Variants in TBC1D19 observed in about 807,000 individuals in gnomAD.
TBC1D19 encodes the protein TBC1 domain family member 19.
In TBC1D19, 60 loss-of-function variants were observed where a neutral mutation model predicts 89.0. The ratio of observed to expected loss-of-function variants is 0.67; its 90% CI spans 0.55 to 0.84. The LOEUF is 0.84. Ranked by LOEUF, TBC1D19 falls within the 40% of genes least tolerant of loss-of-function variation. The pLI is 0.00. For synonymous variants in TBC1D19, 189 were observed against 199.7 expected (o/e 0.95, Z 0.45); for missense variants, 500 against 610.8 (o/e 0.82, Z 1.91).
intron 4 of TBC1D19, among the ~76,000 whole-genome samples, chr4:26,627,038 C>G (rs10000211): frequency 2.4e-4 from 37 of 151,566 alleles, no homozygotes; most frequent in Middle Eastern, 6.8e-3. Flanking sequence ...ATCCCTCCCC[C>G]CTCCGCCCAC....
chr4:26,776,747 A>T, the TBC1D19 span, among the ~76,000 whole-genome samples: 1 of 151,894 alleles, frequency 6.6e-6, no homozygotes, highest in Non-Finnish European at 1.5e-5. Flanking sequence ...CTTGGCTCAC[A>T]TTTTCTTTCC....
At chr4:26,623,732 CCT>C (rs1742218734) in intron 4 of TBC1D19, among the ~76,000 whole-genome samples, 1 of 152,176 alleles carries the variant, frequency 6.6e-6, no homozygotes, top group Non-Finnish European at 1.5e-5. Flanking sequence ...CTTATAATTT[CCT>C]CTTTCTTTTC....
At chr4:26,684,954 T>C (rs1040359446) in intron 12 of TBC1D19, among the ~76,000 whole-genome samples, 5 of 152,180 alleles carry the variant, frequency 3.3e-5, no homozygotes, top group Non-Finnish European at 7.4e-5. Context: ...GCGGAAAAAC[T>C]TGCATTCTGT....
intron 15 of TBC1D19, among the ~76,000 whole-genome samples, chr4:26,731,619 G>A (rs1192344931): frequency 6.6e-6 from 1 of 152,146 alleles, no homozygotes; most frequent in Non-Finnish European, 1.5e-5. Context: ...TAGAGCGAAA[G>A]AGAAAACAAG....
intron 1 of TBC1D19, among the ~76,000 whole-genome samples, chr4:26,585,770 A>G (rs985167982): frequency 1.3e-5 from 2 of 151,972 alleles, no homozygotes; most frequent in Non-Finnish European, 2.9e-5. Flanking sequence ...TTTCCAGTAG[A>G]GATGGGGTTT....
chr4:26,721,597 T>A (rs1270265803), intron 15 of TBC1D19, among the ~76,000 whole-genome samples: 1 of 152,114 alleles, frequency 6.6e-6, no homozygotes, highest in Non-Finnish European at 1.5e-5. Flanking sequence ...GAGTTATACA[T>A]CTAAAGTGAA....
the TBC1D19 span, among the ~76,000 whole-genome samples, chr4:26,853,466 T>C: frequency 6.6e-6 from 1 of 152,262 alleles, no homozygotes; most frequent in African/African-American, 2.4e-5. Flanking sequence ...TCTTTTCTTA[T>C]TGTCACATAG....
chr4:26,678,238 G>C (rs1713009713), intron 11 of TBC1D19, among the ~76,000 whole-genome samples: 1 of 152,186 alleles, frequency 6.6e-6, no homozygotes, highest in Non-Finnish European at 1.5e-5. Flanking sequence ...GGGGATTCTT[G>C]TTATGCTTTA....
chr4:26,638,859 G>A, intron 6 of TBC1D19, 25 bp downstream of exon 6: 15 of 1,553,578 alleles, frequency 9.7e-6, no homozygotes, highest in Non-Finnish European at 1.1e-5. Flanking sequence ...TTTTCTGAAT[G>A]TAGTAGTGGA....
rs563305262 is a variant in TBC1D19 at position 26,739,197 on chromosome 4, G to A, written c.1118-667G>A. ...ACTTTCTGACATTCAACTGTGGAATGTCTGGTTGAGTTGACCCAGCTGTGC... is the reference window on the plus strand; with the variant it reads ...ACTTTCTGACATTCAACTGTGGAATATCTGGTTGAGTTGACCCAGCTGTGC... On this transcript the variant is annotated intron_variant, in intron 16 of 20. Coordinates refer to ENST00000264866, the MANE Select transcript of TBC1D19 (RefSeq NM_018317.4). Among the ~76,000 whole-genome samples, 6 of 152,310 alleles carry A rather than the reference G, an allele frequency of 3.9e-5. No homozygotes were observed. The East Asian group carries it at 1.2e-3, about 29-fold the overall frequency.
At chr4:26,576,843 T>C (rs1375356312) in intron 1 of TBC1D19, 1 of 456,216 alleles carries the variant, frequency 2.2e-6, no homozygotes, top group Non-Finnish European at 4.4e-6. Context: ...AAGGGCTATG[T>C]CATGAACCTG....
chr4:26,590,707 C>T (rs1429889822), intron 1 of TBC1D19, among the ~76,000 whole-genome samples: 3 of 144,754 alleles, frequency 2.1e-5, no homozygotes, highest in East Asian at 2.2e-4. Flanking sequence ...TAGTGTGGTA[C>T]ATTTGTTTCA....
At chr4:26,757,127 C>G (rs1468948932), downstream of TBC1D19, among the ~76,000 whole-genome samples, 1 of 152,104 alleles carries the variant, frequency 6.6e-6, no homozygotes, top group Non-Finnish European at 1.5e-5. Context: ...GATTCTCCTG[C>G]CTCAGCCTCC....
chr4:26,762,607 T>C, the TBC1D19 span, among the ~76,000 whole-genome samples: 1 of 152,192 alleles, frequency 6.6e-6, no homozygotes, highest in Admixed American at 6.5e-5. Flanking sequence ...CTCAAAGATA[T>C]TCATGTTCTA....
chr4:26,621,374 A>C (rs1742036522), intron 4 of TBC1D19, among the ~76,000 whole-genome samples: 1 of 152,142 alleles, frequency 6.6e-6, no homozygotes. Context: ...GGACTCTGTG[A>C]CTGCCACTGC....
Position 26,698,924 on chromosome 4 carries a change from A to G in TBC1D19, c.954+10517A>G, listed in dbSNP as rs191198802. On this transcript the variant is annotated intron_variant, in intron 13 of 20. Coordinates refer to ENST00000264866, the MANE Select transcript of TBC1D19 (RefSeq NM_018317.4). Reference sequence around the variant, plus strand: ...CCATAAAATCCCTAGAAGAAAACCTAGACAATACCATTCAGGACATAGGCA... The same window carrying G: ...CCATAAAATCCCTAGAAGAAAACCTGGACAATACCATTCAGGACATAGGCA... 2.9e-3 allele frequency among the ~76,000 whole-genome samples: 440 copies of G among 152,362 alleles called. 4 individuals carry two copies. Among genetic ancestry groups the G allele is most frequent in the African/African-American group, 9.1e-3 (379 of 41,588 alleles).
chr4:26,699,001 A>G (rs1161758925), intron 13 of TBC1D19, among the ~76,000 whole-genome samples: 1 of 152,252 alleles, frequency 6.6e-6, no homozygotes, highest in Non-Finnish European at 1.5e-5. Flanking sequence ...ACAAAAGCCA[A>G]AATTGACAAA....
Position 26,673,895 on chromosome 4 carries a change from A to G in TBC1D19, c.816+7A>G. The G allele has an allele frequency of 6.5e-7, 1 of 1,542,682 alleles. No homozygotes were observed. Among genetic ancestry groups the G allele is most frequent in the Non-Finnish European group, 8.9e-7 (1 of 1,129,588 alleles). ...TATTTCCAGCCAACCTGAGGTAAGA[A>G]GAAAAAAAGGGTGGGTCAGATTTTA... On this transcript the variant is annotated splice_region_variant and intron_variant, in intron 11 of 20. Transcript: ENST00000264866.
intron 12 of TBC1D19, among the ~76,000 whole-genome samples, chr4:26,685,038 A>G (rs1713689292): frequency 6.6e-6 from 1 of 152,230 alleles, no homozygotes; most frequent in African/African-American, 2.4e-5. Context: ...AATTTTTGCA[A>G]CTTTGTAATC....
Sources: gnomAD v4.1 joint callset for allele counts (sites outside exome capture counted in the v4.1 genomes callset) on GRCh38, gnomAD v4.1.1 for gene constraint, MANE v1.5 for transcripts, NCBI Gene and HGNC (gene_info 2026-07-23, HGNC 2026-07-21) for gene names.